C1QTNF5: variants seen among roughly 807,000 people sequenced by gnomAD.
C1QTNF5 encodes complement C1q tumor necrosis factor-related protein 5.
C1QTNF5 carries 5 observed loss-of-function variants against 10.9 expected under a neutral mutation model. That is an observed-to-expected ratio of 0.46 (90% confidence interval 0.24 to 0.97). C1QTNF5 has a LOEUF of 0.97. Ranked by LOEUF, C1QTNF5 falls within the 50% of genes least tolerant of loss-of-function variation. The probability of loss-of-function intolerance (pLI) is 0.19; values close to 1 mark genes in which losing one functional copy is unlikely to be tolerated. For synonymous variants in C1QTNF5, 161 were observed against 156.5 expected (o/e 1.03, Z -0.22); for missense variants, 281 against 339.4 (o/e 0.83, Z 1.35).
At chr11:119,342,119 A>T, upstream of C1QTNF5, 1 of 1,061,250 alleles carries the variant, frequency 9.4e-7, no homozygotes, top group Non-Finnish European at 1.4e-6. Context: ...GAGGATAACA[A>T]AGAGACAGGC....
chr11:119,345,799 G>A, upstream of C1QTNF5: 1 of 1,613,796 alleles, frequency 6.2e-7, no homozygotes. Context: ...GCTCACGCCT[G>A]ACTCCTGCTG....
upstream of C1QTNF5, chr11:119,345,627 C>G: frequency 6.2e-7 from 1 of 1,613,600 alleles, no homozygotes; most frequent in African/African-American, 1.3e-5. Context: ...GAGGAGGCCT[C>G]CACAGGCTGC....
chr11:119,345,763 C>T (rs778840084), upstream of C1QTNF5: 3 of 1,613,552 alleles, frequency 1.9e-6, no homozygotes, highest in South Asian at 3.3e-5. Flanking sequence ...GATCTGCCCC[C>T]AGTACTCACT....
upstream of C1QTNF5, chr11:119,345,436 C>T (rs760655834): frequency 6.2e-7 from 1 of 1,613,974 alleles, no homozygotes. Context: ...AGGGGGCCTT[C>T]AGGCTCAGGG....
At chr11:119,342,622 C>T (rs1486105188), upstream of C1QTNF5, 2 of 1,613,432 alleles carry the variant, frequency 1.2e-6, no homozygotes, top group Non-Finnish European at 1.7e-6. Context: ...GGGGCCGCTG[C>T]AGTTGTCATC....
chr11:119,342,571 G>A (rs771438559), upstream of C1QTNF5: 18 of 1,612,102 alleles, frequency 1.1e-5, 1 homozygote, highest in Middle Eastern at 3.3e-4. Flanking sequence ...AGCCTGCTCA[G>A]GGTCCCCAGG....
upstream of C1QTNF5, chr11:119,344,995 T>C: frequency 6.2e-7 from 1 of 1,605,220 alleles, no homozygotes; most frequent in Non-Finnish European, 8.5e-7. Flanking sequence ...GAGGCACCCT[T>C]CCACAAACCC....
In C1QTNF5 at chr11:119,339,505, G is replaced by A. The variant is rs758129925; in HGVS notation, c.558C>T (p.Pro186=). ...ASFFQFFGGW[P]KPASLSGGAM... ...CCCCCCCCGAGAGCGAGGCTGGCTT[G>A]GGCCACCCCCCGAAAAACTGGAAGA... The change falls in exon 3 of 3, where the codon CCC becomes CCT. Residue 186 remains proline (P), a synonymous_variant. Transcript: ENST00000528368. This position sits in a 1 kb window ranked among gnomAD's most constrained non-coding sequence, Gnocchi z 5.4. 1.2e-6 allele frequency: 2 copies of A among 1,613,688 alleles called. No individual in the cohort carries two copies. The highest frequency in any genetic ancestry group is 1.7e-6 in the Non-Finnish European group (2 of 1,179,994).
chr11:119,340,729 G>A lies in C1QTNF5; in HGVS notation c.-78C>T. ...CGGCTCCCCGATGGCCTCCTTCGGG[G>A]CGCTCGCTACTCCGGACCCTCCAGT... On this transcript the variant is annotated 5_prime_UTR_variant, in exon 1 of 3. Coordinates refer to ENST00000528368, the MANE Select transcript of C1QTNF5 (RefSeq NM_001278431.2). The A allele has an allele frequency of 2.6e-6, 1 of 378,092 alleles. No individual in the cohort carries two copies. The highest frequency in any genetic ancestry group is 2.8e-5 in the South Asian group (1 of 35,560). The allele number at this position is 378,092 out of a possible 1,614,324, so 23.4% of individuals were successfully genotyped here.
chr11:119,340,775 C>T lies in C1QTNF5; in HGVS notation c.-124G>A. On this transcript the variant is annotated 5_prime_UTR_variant, in exon 1 of 3. Coordinates refer to ENST00000528368, the MANE Select transcript of C1QTNF5 (RefSeq NM_001278431.2). ...CCAGTTGGTGGTGCTCCAGCCCCCG[C>T]GCTTCTCCCCGGCCAGGCGCCCCCT... The T allele has an allele frequency of 3.9e-6, 1 of 254,350 alleles. No homozygotes were observed. Among genetic ancestry groups the T allele is most frequent in the Non-Finnish European group, 7.6e-6 (1 of 131,746 alleles). 15.8% of individuals were successfully genotyped at this position (254,350 alleles called of 1,614,324 possible).
upstream of C1QTNF5, chr11:119,342,956 T>A: frequency 6.2e-7 from 1 of 1,611,766 alleles, no homozygotes; most frequent in Non-Finnish European, 8.5e-7. Flanking sequence ...CACAGCCAGC[T>A]CATGGTGCGA....
At chr11:119,345,012 A>G, upstream of C1QTNF5, 1 of 1,601,686 alleles carries the variant, frequency 6.2e-7, no homozygotes, top group Non-Finnish European at 8.5e-7. Flanking sequence ...ACCCTGCAAG[A>G]AGCCAGGTTG....
At chr11:119,344,086 G>A, upstream of C1QTNF5, 1 of 1,326,724 alleles carries the variant, frequency 7.5e-7, no homozygotes, top group Admixed American at 1.9e-5. Context: ...CATCATTGGT[G>A]GTTCTTAAGG....
At position 119,340,851 on chromosome 11, in the gene C1QTNF5, T is replaced by G. The variant is rs1324658745; in HGVS notation, c.-200A>C. On this transcript the variant is annotated 5_prime_UTR_variant, in exon 1 of 3. Coordinates refer to ENST00000528368, the MANE Select transcript of C1QTNF5 (RefSeq NM_001278431.2). Reference sequence around the variant, plus strand: ...TCGCTCCCTGCCGGCTCCGCTTTCCTCCTCCCAGACTCCAAGAGGAAACCA... The same window carrying G: ...TCGCTCCCTGCCGGCTCCGCTTTCCGCCTCCCAGACTCCAAGAGGAAACCA... The G allele has an allele frequency of 5.4e-6, 1 of 186,702 alleles. No homozygotes were observed. Among genetic ancestry groups the G allele is most frequent in the Admixed American group, 6.1e-5 (1 of 16,292 alleles). The allele number at this position is 186,702 out of a possible 1,614,324, so 11.6% of individuals were successfully genotyped here.
At chr11:119,345,993 C>G in the C1QTNF5 span, 3 of 1,613,122 alleles carry the variant, frequency 1.9e-6, no homozygotes, top group Middle Eastern at 1.6e-4. Context: ...GGGAGAGCGG[C>G]TCATGGAGTT....
At chr11:119,341,820 C>T (rs756922382), upstream of C1QTNF5, 9 of 1,611,820 alleles carry the variant, frequency 5.6e-6, no homozygotes, top group Admixed American at 6.7e-5. Flanking sequence ...GGCTCCTCCC[C>T]TCCCAGGCCC....
rs1046262620 is a variant in C1QTNF5, at chr11:119,340,383, G to A, written c.15C>T (p.Leu5=). MRPL[L]VLLLLGLAAG... ...CCGCCAGGCCCAGGAGCAGCAGGAC[G>A]AGGAGTGGCCTCATAGCGCTGGCAC... Residue 5 remains leucine (L), a synonymous_variant, in exon 2 of 3, where the codon CTC becomes CTT. Transcript: ENST00000528368. The A allele has an allele frequency of 5.8e-6, 9 of 1,545,390 alleles. No individual in the cohort carries two copies. Among genetic ancestry groups the A allele is most frequent in the East Asian group, 2.5e-5 (1 of 40,760 alleles).
chr11:119,342,773 C>T, upstream of C1QTNF5: 1 of 1,613,136 alleles, frequency 6.2e-7, no homozygotes, highest in Non-Finnish European at 8.5e-7. Context: ...ATACCTACAC[C>T]CCCAGTACCC....
upstream of C1QTNF5, chr11:119,343,094 C>T: frequency 2.0e-6 from 3 of 1,496,528 alleles, no homozygotes; most frequent in South Asian, 1.2e-5. Context: ...GAGCTGGGAG[C>T]CCTGGATGAT....
Sources: allele counts gnomAD v4.1 joint callset, GRCh38; gene constraint gnomAD v4.1.1; non-coding constraint Gnocchi (gnomAD v3.1); transcripts MANE v1.5; gene names NCBI Gene and HGNC (gene_info 2026-07-23, HGNC 2026-07-21).